Variants in MUC17 observed in about 807,000 individuals in gnomAD.
The protein encoded by MUC17 is mucin 17, cell surface associated.
In MUC17, 190 loss-of-function variants were observed where a neutral mutation model predicts 170.3. The observed-to-expected ratio is 1.12, with a 90% CI of 0.99 to 1.26. The LOEUF is 1.26. MUC17 is among the 50% of genes most tolerant of loss of function. The pLI, the probability that MUC17 is intolerant of heterozygous loss-of-function variation, is 0.00. For synonymous variants in MUC17, 2,325 were observed against 2,002.5 expected (o/e 1.16, Z -4.30); for missense variants, 6,415 against 5,530.0 (o/e 1.16, Z -5.08).
intron 3 of MUC17, among the ~76,000 whole-genome samples, chr7:101,046,522 T>A (rs765297154): frequency 6.6e-6 from 1 of 152,164 alleles, no homozygotes; most frequent in Non-Finnish European, 1.5e-5. Flanking sequence ...ATACCTGTAA[T>A]CCCAGGATTT....
Position 101,033,242 on chromosome 7 carries a change from C to T in MUC17, c.1826C>T (p.Ser609Leu), listed in dbSNP as rs1037528429. 5 of 1,614,052 alleles carry T rather than the reference C, an allele frequency of 3.1e-6. No individual in the cohort carries two copies. The highest frequency in any genetic ancestry group is 2.7e-5 in the African/African-American group (2 of 74,922). ...GTGACCACTTCTAGTGAAGCTAGTTCATCTTCTACAACTGCTGAAGGTACC... is the reference window on the plus strand; with the variant it reads ...GTGACCACTTCTAGTGAAGCTAGTTTATCTTCTACAACTGCTGAAGGTACC... ...TFVTTSSEASSSSTTAEGTSM... is the reference protein window; with the variant it reads ...TFVTTSSEASLSSTTAEGTSM... Residue 609 changes from serine (S) to leucine (L), a missense_variant, in exon 3 of 13, where the codon TCA (serine) becomes TTA (leucine). Coordinates refer to ENST00000306151, the MANE Select transcript of MUC17 (RefSeq NM_001040105.2).
Position 101,058,802 on chromosome 7 carries a change from A to G in MUC17, c.*758A>G, listed in dbSNP as rs1795097724. ...TGAGTTCTGATTTTTTCCTTAGTAA[A>G]TATTATAATATATATTTGTAGTAAC... On this transcript the variant is annotated 3_prime_UTR_variant, in exon 13 of 13. Coordinates refer to ENST00000306151, the MANE Select transcript of MUC17 (RefSeq NM_001040105.2). The G allele has an allele frequency of 6.6e-6, 1 of 152,042 alleles. No homozygotes were observed. Among genetic ancestry groups the G allele is most frequent in the Non-Finnish European group, 1.5e-5 (1 of 68,008 alleles). 9.4% of individuals were successfully genotyped at this position (152,042 alleles called of 1,614,324 possible).
At chr7:101,022,398 C>T (rs745992458) in intron 1 of MUC17, among the ~76,000 whole-genome samples, 3 of 152,224 alleles carry the variant, frequency 2.0e-5, no homozygotes, top group African/African-American at 4.8e-5. Context: ...AACTCGGAAT[C>T]TCAGGTGATC....
rs1380434249 is a variant in MUC17, at chr7:101,034,302, T to C, written c.2886T>C (p.Thr962=). ...STPVTTSTEA[T]SSPTTAEGTS... is the part of the protein sequence containing the mutation. The stretch of plus-strand genomic sequence containing the variant: ...CTGTGACCACTTCTACTGAAGCCAC[T>C]TCATCTCCTACAACTGCTGAAGGTA... Residue 962 remains threonine, a synonymous_variant, in exon 3 of 13, where the codon ACT becomes ACC. Coordinates refer to ENST00000306151, the MANE Select transcript of MUC17 (RefSeq NM_001040105.2). 2.5e-6 allele frequency: 4 copies of C among 1,609,926 alleles called. No homozygotes were observed. Among genetic ancestry groups the C allele is most frequent in the Admixed American group, 3.4e-5 (2 of 59,554 alleles).
chr7:101,048,743 C>T (rs1794884618), intron 4 of MUC17, 102 bp from the exon 5 acceptor site: 4 of 1,323,320 alleles, frequency 3.0e-6, no homozygotes, highest in Non-Finnish European at 3.1e-6. Flanking sequence ...CAAAATTTTA[C>T]CATAAAATAC....
intron 1 of MUC17, among the ~76,000 whole-genome samples, chr7:101,028,256 A>G (rs1321916921): frequency 6.6e-6 from 1 of 151,042 alleles, no homozygotes; most frequent in East Asian, 2.0e-4. Flanking sequence ...ACACCCAGCT[A>G]ATTTTTGTAT....
In MUC17 at chr7:101,058,094, C is replaced by T. The variant is rs1795080495; in HGVS notation, c.*50C>T. ...GTGAGGAGATCCCAGTCCGGCTAAG[C>T]TTGGTGGAGCATTTTCCCATTGAGA... On this transcript the variant is annotated 3_prime_UTR_variant, in exon 13 of 13. Transcript: ENST00000306151. The T allele has an allele frequency of 6.4e-7, 1 of 1,554,820 alleles. No individual in the cohort carries two copies. The highest frequency in any genetic ancestry group is 8.9e-7 in the Non-Finnish European group (1 of 1,127,510).
intron 11 of MUC17, among the ~76,000 whole-genome samples, chr7:101,054,156 C>T (rs1795009314): frequency 6.7e-6 from 1 of 149,768 alleles, no homozygotes; most frequent in Non-Finnish European, 1.5e-5. Context: ...AAATATTTCC[C>T]ACTCCAAAAT....
intron 11 of MUC17, 60 bp downstream of exon 11, chr7:101,053,496 G>A: frequency 7.4e-7 from 1 of 1,350,018 alleles, no homozygotes; most frequent in Non-Finnish European, 1.0e-6. Flanking sequence ...GCTGGGTGCG[G>A]TGGGCTCACA....
At chr7:101,046,731 T>G (rs1794849065) in intron 3 of MUC17, among the ~76,000 whole-genome samples, 1 of 152,006 alleles carries the variant, frequency 6.6e-6, no homozygotes, top group South Asian at 2.1e-4. Flanking sequence ...TGAGCTATGA[T>G]TGCACCACTG....
At chr7:101,029,980 G>T (rs1337562875) in intron 1 of MUC17, among the ~76,000 whole-genome samples, 3 of 151,992 alleles carry the variant, frequency 2.0e-5, no homozygotes, top group Non-Finnish European at 2.9e-5. Context: ...GACTTCAGTT[G>T]TCTGATTAAT....
rs773164843 is a variant in MUC17, at chr7:101,043,184, C to T, written c.11768C>T (p.Thr3923Ile). 2 of 1,614,144 alleles carry T rather than the reference C, an allele frequency of 1.2e-6. No individual in the cohort carries two copies. Among genetic ancestry groups the T allele is most frequent in the South Asian group, 1.1e-5 (1 of 91,086 alleles). ...ASTPTIPVATTISVSVITEGS... is the reference protein window; with the variant it reads ...ASTPTIPVATIISVSVITEGS... ...ACTCCCACAATTCCTGTAGCCACCA[C>T]CATATCTGTATCAGTGATCACAGAA... Residue 3923 changes from threonine to isoleucine, a missense_variant, in exon 3 of 13, where the codon ACC becomes ATC. By Grantham distance (89) the Thr-to-Ile change is moderately conservative (BLOSUM62 -1). Transcript: ENST00000306151.
In MUC17 at chr7:101,037,566, T is replaced by G. The variant is rs767507110; in HGVS notation, c.6150T>G (p.Pro2050=). The change falls in exon 3 of 13, where the codon CCT becomes CCG. Residue 2050 remains proline (P), a synonymous_variant. Transcript: ENST00000306151. The stretch of plus-strand genomic sequence containing the variant: ...GGACCACTCCATTAGCAGGTATGCC[T>G]GTCAGCACTACGCTTGTGGTCAGTT... ...SERTTPLAGM[P]VSTTLVVSSE... 41 of 1,613,808 alleles carry G rather than the reference T, an allele frequency of 2.5e-5. No homozygotes were observed. Among genetic ancestry groups the G allele is most frequent in the Non-Finnish European group, 3.4e-5 (40 of 1,179,878 alleles).
chr7:101,027,893 T>C (rs1015027215), intron 1 of MUC17, among the ~76,000 whole-genome samples: 6 of 151,920 alleles, frequency 3.9e-5, no homozygotes, highest in African/African-American at 1.5e-4. Context: ...TGTCTCGGCC[T>C]CTCAAGTAGC....
chr7:101,043,787 C>A lies in MUC17; in HGVS notation c.12371C>A (p.Thr4124Asn). 1.2e-6 allele frequency: 2 copies of A among 1,610,662 alleles called. No individual in the cohort carries two copies. Among genetic ancestry groups the A allele is most frequent in the Non-Finnish European group, 1.7e-6 (2 of 1,177,600 alleles). Residue 4124 changes from threonine (T) to asparagine (N), a missense_variant, in exon 3 of 13, where the codon ACC becomes AAC. Physicochemically the swap from Thr to Asn is moderately conservative, Grantham distance 65 (BLOSUM62 0). Coordinates refer to ENST00000306151, the MANE Select transcript of MUC17 (RefSeq NM_001040105.2). ...PTNTTIKSNP[T>N]STPTVPRTTT... ...AATACTACAATTAAGAGCAACCCCA[C>A]CTCAACTCCTACTGTGCCAAGAACC...
In MUC17 at chr7:101,049,290, C is replaced by A. The variant is rs117552436; in HGVS notation, c.12664-34C>A. ...GTCCCACAGAACGGCCCCGTGGTCC[C>A]TCTGGGATGACACAGTGGCCCCTTG... On this transcript the variant is annotated intron_variant, in intron 5 of 12. Transcript: ENST00000306151. 1.4e-4 allele frequency: 233 copies of A among 1,613,984 alleles called. No homozygotes were observed. The East Asian group carries it at 4.1e-3, about 28-fold the overall frequency.
Position 101,035,003 on chromosome 7 carries a change from A to T in MUC17, c.3587A>T (p.Glu1196Val). The change falls in exon 3 of 13, where the codon GAA becomes GTA. Residue 1196 changes from glutamate (E) to valine (V), a missense_variant. Coordinates refer to ENST00000306151, the MANE Select transcript of MUC17 (RefSeq NM_001040105.2). The stretch of plus-strand genomic sequence containing the variant: ...AAAACTCAGGTGGCCACTTCTACTG[A>T]AGCCAGTTCACCTCCTCCAACTGCT... ...DSKTQVATST[E>V]ASSPPPTAEV... 2 of 1,613,890 alleles carry T rather than the reference A, an allele frequency of 1.2e-6. No homozygotes were observed. The highest frequency in any genetic ancestry group is 1.7e-6 in the Non-Finnish European group (2 of 1,179,976).
chr7:101,057,896 AT>A (rs1195890928), intron 12 of MUC17, 106 bp from the exon 13 acceptor site: 3 of 957,354 alleles, frequency 3.1e-6, no homozygotes, highest in Admixed American at 2.7e-5. Flanking sequence ...ATAATAAAAA[AT>A]AAAAATAATT....
At chr7:101,025,466 C>T (rs1794163915) in intron 1 of MUC17, among the ~76,000 whole-genome samples, 1 of 151,928 alleles carries the variant, frequency 6.6e-6, no homozygotes, top group South Asian at 2.1e-4. Context: ...AGTTTAAGAC[C>T]AGCCTGGCTA....
Sources: allele counts gnomAD v4.1 joint callset (sites outside exome capture counted in the v4.1 genomes callset), GRCh38; gene constraint gnomAD v4.1.1; transcripts MANE v1.5; gene names NCBI Gene and HGNC (gene_info 2026-07-23, HGNC 2026-07-21).